Variants in ARMC9 observed in about 807,000 individuals in gnomAD.
ARMC9 encodes the protein lisH domain-containing protein ARMC9.
Under a neutral mutation model 107.0 loss-of-function variants are expected in ARMC9, and 94 were observed. The ratio of observed to expected loss-of-function variants is 0.88; its 90% CI spans 0.74 to 1.04. The LOEUF is 1.04. Among genes scored for constraint, ARMC9 ranks in the 50% least tolerant of loss-of-function variants. The pLI is 0.00. For synonymous variants in ARMC9, 380 were observed against 396.9 expected (o/e 0.96, Z 0.51); for missense variants, 942 against 1,030.1 (o/e 0.91, Z 1.17).
At chr2:231,235,193 T>C (rs768946786) in intron 7 of ARMC9, 31 bp from the exon 8 acceptor site, 2 of 1,589,398 alleles carry the variant, frequency 1.3e-6, no homozygotes, top group South Asian at 2.3e-5. Flanking sequence ...TGGATTTTTA[T>C]TGATGTTGTT....
chr2:231,279,233 T>G (rs2040009013), intron 16 of ARMC9, among the ~76,000 whole-genome samples: 1 of 152,214 alleles, frequency 6.6e-6, no homozygotes, highest in Non-Finnish European at 1.5e-5. Flanking sequence ...TGGTGTTATT[T>G]TCTAAGTTTT....
intron 19 of ARMC9, among the ~76,000 whole-genome samples, chr2:231,308,426 T>C (rs933971689): frequency 2.0e-5 from 3 of 151,464 alleles, no homozygotes; most frequent in African/African-American, 7.3e-5. Context: ...GCAGCGGGAG[T>C]GGGGCTGAGC....
At position 231,288,610 on chromosome 2, in the gene ARMC9, G is replaced by A. The variant is rs991951388; in HGVS notation, c.1627-2743G>A. 1.7e-5 allele frequency: 8 copies of A among 471,058 alleles called. No homozygotes were observed. The East Asian group carries it at 2.1e-4, about 12-fold the overall frequency. The allele number at this position is 471,058 out of a possible 1,614,324, so 29.2% of individuals were successfully genotyped here. A position where few individuals can be genotyped will look rare whatever the true frequency, so the allele number is the denominator to read the frequency against. Reference sequence around the variant, plus strand: ...AGTTGTTCTGTGTAGTGTTCAGTGCGTGTTGTCAGGCTCTGGAAGAGATGC... The same window carrying A: ...AGTTGTTCTGTGTAGTGTTCAGTGCATGTTGTCAGGCTCTGGAAGAGATGC... On this transcript the variant is annotated intron_variant, in intron 17 of 24. Transcript: ENST00000611582.
At chr2:231,245,840 CT>C (rs2036712847) in intron 9 of ARMC9, among the ~76,000 whole-genome samples, 3 of 152,322 alleles carry the variant, frequency 2.0e-5, no homozygotes, top group South Asian at 2.1e-4. Context: ...CCTGTTCCCC[CT>C]GGGCAAATGT....
intron 16 of ARMC9, among the ~76,000 whole-genome samples, chr2:231,280,876 T>C (rs1177572611): frequency 6.6e-6 from 1 of 152,194 alleles, no homozygotes; most frequent in Non-Finnish European, 1.5e-5. Context: ...AGATGTTCAG[T>C]CGTGCTAGTT....
chr2:231,236,165 G>T (rs1270132915), intron 8 of ARMC9, among the ~76,000 whole-genome samples: 1 of 152,140 alleles, frequency 6.6e-6, no homozygotes, highest in Admixed American at 6.5e-5. Flanking sequence ...TGAGGGGCAC[G>T]TGCCCTGCTG....
chr2:231,352,493 A>C (rs142320820), intron 21 of ARMC9, among the ~76,000 whole-genome samples: 1 of 150,876 alleles, frequency 6.6e-6, no homozygotes, highest in Non-Finnish European at 1.5e-5. Flanking sequence ...TTTTTTATTT[A>C]TTTATTTTTT....
chr2:231,302,444 T>TG (rs1559431188), intron 19 of ARMC9, among the ~76,000 whole-genome samples: 1 of 142,520 alleles, frequency 7.0e-6, no homozygotes, highest in Non-Finnish European at 1.5e-5. Flanking sequence ...TTTGTTTTTT[T>TG]TTTTTTTTTT....
chr2:231,346,644 GCTGAACTATCTGAGAGAAGA>G (rs1359378364), intron 21 of ARMC9, among the ~76,000 whole-genome samples: 1 of 151,962 alleles, frequency 6.6e-6, no homozygotes, highest in African/African-American at 2.4e-5. Context: ...ACATTTTTTT[GCTGAACTATCTGAGAGAAGA>G]TTGCAGACTT....
At chr2:231,354,088 C>T (rs1412215477) in intron 21 of ARMC9, among the ~76,000 whole-genome samples, 3 of 150,788 alleles carry the variant, frequency 2.0e-5, no homozygotes, top group Non-Finnish European at 4.4e-5. Flanking sequence ...GAAAACCTTC[C>T]CTCTTCTGGC....
chr2:231,217,390 C>T (rs772403951), intron 5 of ARMC9, among the ~76,000 whole-genome samples: 2 of 152,200 alleles, frequency 1.3e-5, no homozygotes, highest in Non-Finnish European at 2.9e-5. Context: ...TTGAGACCAG[C>T]CTGGCCAACA....
intron 19 of ARMC9, among the ~76,000 whole-genome samples, chr2:231,327,198 T>C (rs528305072): frequency 6.6e-6 from 1 of 152,322 alleles, no homozygotes; most frequent in African/African-American, 2.4e-5. Flanking sequence ...GTGTGTGCCG[T>C]TCGGTCGGCG....
At chr2:231,336,051 C>A (rs137952355) in intron 20 of ARMC9, among the ~76,000 whole-genome samples, 1 of 151,720 alleles carries the variant, frequency 6.6e-6, no homozygotes, top group East Asian at 1.9e-4. Context: ...TACATTCCAG[C>A]CTTGGAGTGC....
chr2:231,295,215 A>G (rs985369721), intron 18 of ARMC9: 1 of 152,234 alleles, frequency 6.6e-6, no homozygotes, highest in Non-Finnish European at 1.5e-5. Flanking sequence ...ATAATAAGAA[A>G]GATGTAGTAG....
rs1412956914 is a variant in ARMC9 at position 231,371,959 on chromosome 2, G to T, written c.*424G>T. 1 of 177,014 alleles carries T rather than the reference G, an allele frequency of 5.6e-6. No homozygotes were observed. The highest frequency in any genetic ancestry group is 1.2e-5 in the Non-Finnish European group (1 of 84,900). 11.0% of individuals were successfully genotyped at this position (177,014 alleles called of 1,614,324 possible). On this transcript the variant is annotated 3_prime_UTR_variant, in exon 25 of 25. Coordinates refer to ENST00000611582, the MANE Select transcript of ARMC9 (RefSeq NM_001352754.2). ...GGCTTTTCCAAGGCTGCTGAAGCCA[G>T]CCCTCCTCACTTGGGCTGACTACCA...
intron 1 of ARMC9, 124 bp from the exon 2 acceptor site, chr2:231,206,074 A>G: frequency 3.0e-6 from 2 of 671,904 alleles, no homozygotes; most frequent in Non-Finnish European, 5.3e-6. Context: ...TCACGTATTC[A>G]CAGGTTCTGG....
At chr2:231,218,062 A>G (rs1228942750) in intron 5 of ARMC9, among the ~76,000 whole-genome samples, 2 of 152,180 alleles carry the variant, frequency 1.3e-5, no homozygotes, top group Non-Finnish European at 2.9e-5. Context: ...AACTGATGCA[A>G]TTCTTCCAAA....
At chr2:231,350,946 CTTTTTTTTTTTTT>C (rs770225857) in intron 21 of ARMC9, among the ~76,000 whole-genome samples, 13 of 50,600 alleles carry the variant, frequency 2.6e-4, no homozygotes, top group Admixed American at 1.2e-3. Flanking sequence ...AGTGACAATT[CTTTTTTTTTTTTT>C]TTTTTTTTTT....
At chr2:231,243,043 G>A (rs943316380) in intron 9 of ARMC9, among the ~76,000 whole-genome samples, 1 of 152,110 alleles carries the variant, frequency 6.6e-6, no homozygotes, top group African/African-American at 2.4e-5. Context: ...TCAGGAGATC[G>A]AGACCATCCT....
Sources: allele counts gnomAD v4.1 joint callset (sites outside exome capture counted in the v4.1 genomes callset), GRCh38; gene constraint gnomAD v4.1.1; transcripts MANE v1.5; gene names NCBI Gene and HGNC (gene_info 2026-07-23, HGNC 2026-07-21).